Variants in APBB2 observed in about 807,000 individuals in gnomAD.
The protein encoded by APBB2 is Fe65-like 1.
Under a neutral mutation model 82.5 loss-of-function variants are expected in APBB2, and 38 were observed. The ratio of observed to expected loss-of-function variants is 0.46; its 90% CI spans 0.36 to 0.60. APBB2 has a LOEUF of 0.60. Among genes scored for constraint, APBB2 ranks in the 20% least tolerant of loss-of-function variants. The pLI is 0.00. For synonymous variants in APBB2, 341 were observed against 368.2 expected (o/e 0.93, Z 0.85); for missense variants, 772 against 972.3 (o/e 0.79, Z 2.74).
intron 7 of APBB2, among the ~76,000 whole-genome samples, chr4:40,939,947 T>A (rs1432015149): frequency 1.3e-5 from 2 of 152,108 alleles, no homozygotes; most frequent in Middle Eastern, 3.2e-3. Flanking sequence ...GAAACTACAA[T>A]GTAGAGGGGG....
intron 12 of APBB2, among the ~76,000 whole-genome samples, chr4:40,882,830 TCG>T (rs1418269317): frequency 6.6e-6 from 1 of 152,194 alleles, no homozygotes; most frequent in Non-Finnish European, 1.5e-5. Flanking sequence ...TCACACTGCG[TCG>T]GAACGTTAGC....
chr4:40,903,827 T>C (rs942026187), intron 10 of APBB2, among the ~76,000 whole-genome samples: 10 of 152,206 alleles, frequency 6.6e-5, no homozygotes, highest in African/African-American at 2.4e-4. Flanking sequence ...AGCTGCTCTA[T>C]GGAGACCTTT....
At chr4:40,932,619 T>C (rs1784467475) in intron 10 of APBB2, among the ~76,000 whole-genome samples, 1 of 152,116 alleles carries the variant, frequency 6.6e-6, no homozygotes, top group Non-Finnish European at 1.5e-5. Flanking sequence ...TCTGGGAAGA[T>C]TCTTTCTCTC....
At chr4:40,872,914 C>T (rs557503329) in intron 12 of APBB2, among the ~76,000 whole-genome samples, 1 of 151,828 alleles carries the variant, frequency 6.6e-6, no homozygotes, top group East Asian at 1.9e-4. Flanking sequence ...GGTGAATGCC[C>T]ATCTCTACTA....
chr4:40,907,115 C>T (rs1451027923), intron 10 of APBB2, among the ~76,000 whole-genome samples: 1 of 151,936 alleles, frequency 6.6e-6, no homozygotes, highest in East Asian at 1.9e-4. Flanking sequence ...CATATCAACA[C>T]ATGAGGCAGA....
At chr4:41,090,660 T>C (rs913969907) in intron 3 of APBB2, among the ~76,000 whole-genome samples, 2 of 152,198 alleles carry the variant, frequency 1.3e-5, no homozygotes, top group African/African-American at 4.8e-5. Context: ...TTATTTAATT[T>C]ATGATCGAAA....
rs1321688276 is a variant in APBB2 at position 40,830,586 on chromosome 4, G to A, written c.1530-9C>T. On this transcript the variant is annotated splice_polypyrimidine_tract_variant and intron_variant, in intron 12 of 17. Transcript: ENST00000508593. ...CTACATAAGCAAAATCCCTGTGCAA[G>A]CAAAATGTATCAGTCCATTAGTAAG... 3.2e-6 allele frequency: 5 copies of A among 1,542,006 alleles called. No individual in the cohort carries two copies. The highest frequency in any genetic ancestry group is 4.5e-6 in the Non-Finnish European group (5 of 1,114,440).
chr4:41,137,464 C>T (rs1017450001), intron 2 of APBB2, among the ~76,000 whole-genome samples: 1 of 152,116 alleles, frequency 6.6e-6, no homozygotes, highest in African/African-American at 2.4e-5. Context: ...TATTAGATTT[C>T]CATAATTACC....
At chr4:40,925,671 G>A (rs949005076) in intron 10 of APBB2, among the ~76,000 whole-genome samples, 1 of 152,100 alleles carries the variant, frequency 6.6e-6, no homozygotes, top group Non-Finnish European at 1.5e-5. Context: ...ACTACATGCA[G>A]CTGTAACATC....
chr4:40,908,032 A>G (rs1056583986), intron 10 of APBB2, among the ~76,000 whole-genome samples: 1 of 150,384 alleles, frequency 6.6e-6, no homozygotes, highest in African/African-American at 2.4e-5. Flanking sequence ...TGTGTGGCAT[A>G]TGTGTATGGT....
chr4:40,847,528 TAA>T (rs1379065126), intron 12 of APBB2, among the ~76,000 whole-genome samples: 8 of 152,148 alleles, frequency 5.3e-5, no homozygotes, highest in African/African-American at 1.9e-4. Flanking sequence ...CAGGAACGCA[TAA>T]GGATTTAGAA....
At chr4:40,824,667 T>C (rs1391475383) in intron 15 of APBB2, among the ~76,000 whole-genome samples, 1 of 152,160 alleles carries the variant, frequency 6.6e-6, no homozygotes, top group Non-Finnish European at 1.5e-5. Context: ...TTTTGAATTT[T>C]TTTTGTAGAG....
At chr4:41,061,692 C>T (rs1256356658) in intron 4 of APBB2, among the ~76,000 whole-genome samples, 1 of 152,176 alleles carries the variant, frequency 6.6e-6, no homozygotes, top group Non-Finnish European at 1.5e-5. Context: ...GTATGAAAAG[C>T]CTGGCAAGAA....
chr4:41,185,438 T>A (rs1772633082), intron 1 of APBB2, among the ~76,000 whole-genome samples: 1 of 152,220 alleles, frequency 6.6e-6, no homozygotes, highest in South Asian at 2.1e-4. Context: ...TTCAGGACCC[T>A]AACCTTTAAG....
chr4:40,928,461 C>T (rs1265772709), intron 10 of APBB2, among the ~76,000 whole-genome samples: 2 of 151,876 alleles, frequency 1.3e-5, no homozygotes, highest in African/African-American at 4.8e-5. Context: ...TGCCTGTAAT[C>T]CCAGCTACTT....
intron 6 of APBB2, among the ~76,000 whole-genome samples, chr4:40,991,663 C>T (rs1207812018): frequency 1.3e-5 from 2 of 152,136 alleles, no homozygotes; most frequent in East Asian, 1.9e-4. Context: ...GAAAAACACA[C>T]ACACACACCC....
chr4:40,858,454 CAAAAA>C (rs34433911), intron 12 of APBB2, among the ~76,000 whole-genome samples: 10 of 57,742 alleles, frequency 1.7e-4, no homozygotes, highest in South Asian at 1.6e-3. Context: ...GAGTCCGTCT[CAAAAA>C]AAAAAAAAAA....
At chr4:41,126,519 C>G (rs1315078001) in intron 2 of APBB2, among the ~76,000 whole-genome samples, 2 of 152,252 alleles carry the variant, frequency 1.3e-5, no homozygotes, top group African/African-American at 2.4e-5. Flanking sequence ...CAGGGCACTA[C>G]TGAGTCTCCC....
intron 6 of APBB2, among the ~76,000 whole-genome samples, chr4:41,001,381 G>C (rs1805183437): frequency 6.6e-6 from 1 of 152,118 alleles, no homozygotes; most frequent in Non-Finnish European, 1.5e-5. Context: ...AACAAAACCA[G>C]CTTCTCCAAC....
Sources: gnomAD v4.1 joint callset for allele counts (sites outside exome capture counted in the v4.1 genomes callset) on GRCh38, gnomAD v4.1.1 for gene constraint, MANE v1.5 for transcripts, NCBI Gene and HGNC (gene_info 2026-07-23, HGNC 2026-07-21) for gene names.